The following DTWD2 variants were observed in gnomAD, a reference collection of about 807,000 sequenced individuals.
DTWD2 encodes the protein tRNA-uridine aminocarboxypropyltransferase 2.
In DTWD2, 39 loss-of-function variants were observed where a neutral mutation model predicts 31.8. The ratio of observed to expected loss-of-function variants is 1.22; its 90% CI spans 0.95 to 1.60. DTWD2 has a LOEUF of 1.60. DTWD2 is among the 40% of genes most tolerant of loss of function. The probability of loss-of-function intolerance (pLI) is 0.00; values close to 1 mark genes in which losing one functional copy is unlikely to be tolerated. For missense variants in DTWD2, 515 were observed against 381.5 expected, an observed-to-expected ratio of 1.35 and a Z score of -2.92; for synonymous variants, 180 against 142.8, an observed-to-expected ratio of 1.26 and a Z score of -1.86.
intron 4 of DTWD2, among the ~76,000 whole-genome samples, chr5:118,897,842 C>A (rs1380611661): frequency 6.6e-6 from 1 of 152,148 alleles, no homozygotes; most frequent in East Asian, 1.9e-4. Context: ...CATATGACCT[C>A]CAGAGTAAAA....
At chr5:118,854,117 A>T (rs893193648) in intron 4 of DTWD2, among the ~76,000 whole-genome samples, 1 of 152,220 alleles carries the variant, frequency 6.6e-6, no homozygotes, top group Non-Finnish European at 1.5e-5. Flanking sequence ...ACAGCATACA[A>T]ATATTATAAA....
intron 4 of DTWD2, among the ~76,000 whole-genome samples, chr5:118,910,712 G>T (rs775447402): frequency 2.6e-5 from 4 of 152,116 alleles, no homozygotes; most frequent in Non-Finnish European, 5.9e-5. Flanking sequence ...TTTCATCTCA[G>T]TCCATTCAAG....
intron 4 of DTWD2, among the ~76,000 whole-genome samples, chr5:118,857,263 G>GT (rs1173052188): frequency 6.6e-6 from 1 of 152,064 alleles, no homozygotes; most frequent in Non-Finnish European, 1.5e-5. Flanking sequence ...AGCTTTTGTG[G>GT]TTTTTTAAAT....
At chr5:118,912,293 A>G (rs1169218459) in intron 4 of DTWD2, among the ~76,000 whole-genome samples, 1 of 152,204 alleles carries the variant, frequency 6.6e-6, no homozygotes, top group Non-Finnish European at 1.5e-5. Flanking sequence ...TTTCCACCCA[A>G]AGCAAGATCA....
chr5:118,859,924 C>T (rs560735596), intron 4 of DTWD2, among the ~76,000 whole-genome samples: 17 of 151,958 alleles, frequency 1.1e-4, no homozygotes, highest in Non-Finnish European at 2.5e-4. Context: ...TCAAAACCAG[C>T]CTAGGCAACA....
chr5:118,952,210 G>A (rs984183633), intron 1 of DTWD2, among the ~76,000 whole-genome samples: 97 of 152,342 alleles, frequency 6.4e-4, no homozygotes, highest in African/African-American at 2.2e-3. Flanking sequence ...GCAAAGAGCA[G>A]GAGGACAGGG....
At chr5:118,850,073 G>A (rs1057467924) in intron 4 of DTWD2, among the ~76,000 whole-genome samples, 3 of 151,424 alleles carry the variant, frequency 2.0e-5, no homozygotes, top group South Asian at 2.1e-4. Context: ...TAAAAAATGG[G>A]GAAAGAACTC....
chr5:118,987,085 T>G (rs1435853470), intron 1 of DTWD2, among the ~76,000 whole-genome samples: 3 of 152,182 alleles, frequency 2.0e-5, no homozygotes, highest in African/African-American at 7.2e-5. Context: ...TAAATAAAAC[T>G]AGCACAGTAA....
chr5:118,949,087 C>A (rs1002801148), intron 1 of DTWD2, among the ~76,000 whole-genome samples: 1 of 151,530 alleles, frequency 6.6e-6, no homozygotes, highest in Non-Finnish European at 1.5e-5. Context: ...ACGCGATATT[C>A]TTTTGAGAAC....
At chr5:118,924,195 A>G (rs966827854) in intron 4 of DTWD2, among the ~76,000 whole-genome samples, 3 of 152,234 alleles carry the variant, frequency 2.0e-5, no homozygotes, top group Non-Finnish European at 4.4e-5. Context: ...TTAGCTACTA[A>G]GCATGTCATA....
intron 4 of DTWD2, among the ~76,000 whole-genome samples, chr5:118,882,242 T>A (rs1327546044): frequency 6.6e-6 from 1 of 152,186 alleles, no homozygotes; most frequent in African/African-American, 2.4e-5. Context: ...ATCCTTTGAC[T>A]CCAGGTCTCA....
intron 4 of DTWD2, among the ~76,000 whole-genome samples, chr5:118,866,594 G>C (rs1752385146): frequency 6.6e-6 from 1 of 152,168 alleles, no homozygotes; most frequent in South Asian, 2.1e-4. Flanking sequence ...AGAATTTTAT[G>C]TTTTAAAAAT....
Position 118,940,136 on chromosome 5 carries a change from C to T in DTWD2, c.310-846G>A, listed in dbSNP as rs945520578. Among the ~76,000 whole-genome samples the T allele has an allele frequency of 2.6e-5, 4 of 152,144 alleles. No individual in the cohort carries two copies. The East Asian group carries it at 7.7e-4, about 29-fold the overall frequency. ...GAGTGGAGAAATCTGGTGGCCATTT[C>T]TGAAAAAGCCATTAAGTTGACTGTC... On this transcript the variant is annotated intron_variant, in intron 2 of 5. Coordinates refer to ENST00000510708, the MANE Select transcript of DTWD2 (RefSeq NM_173666.4).
At chr5:118,851,928 C>T (rs1752018138) in intron 4 of DTWD2, among the ~76,000 whole-genome samples, 1 of 152,078 alleles carries the variant, frequency 6.6e-6, no homozygotes, top group Admixed American at 6.6e-5. Flanking sequence ...TTTTCCCAAT[C>T]CTAGTAAGCC....
intron 4 of DTWD2, among the ~76,000 whole-genome samples, chr5:118,872,459 T>C (rs1752526845): frequency 1.3e-5 from 2 of 152,214 alleles, no homozygotes; most frequent in Admixed American, 1.3e-4. Flanking sequence ...CTTGAACGCT[T>C]AGAGGCCATT....
At chr5:118,867,753 G>A (rs1369144776) in intron 4 of DTWD2, among the ~76,000 whole-genome samples, 1 of 152,114 alleles carries the variant, frequency 6.6e-6, no homozygotes, top group Non-Finnish European at 1.5e-5. Context: ...AAACCACACT[G>A]CTGAAAGAAA....
chr5:118,927,025 TG>T (rs1275893404), intron 4 of DTWD2, among the ~76,000 whole-genome samples: 3 of 152,098 alleles, frequency 2.0e-5, no homozygotes, highest in African/African-American at 4.8e-5. Context: ...GGCTTGCAAA[TG>T]GAAGTCTTCT....
Position 118,973,916 on chromosome 5 carries a change from G to A in DTWD2, c.218+14378C>T, listed in dbSNP as rs574285290. 3.0e-4 allele frequency: 489 copies of A among 1,603,604 alleles called. 2 individuals are homozygous for A. Among genetic ancestry groups the A allele is most frequent in the Non-Finnish European group, 3.3e-4 (392 of 1,172,184 alleles). ...CGCCCCTGCTAACGGGAATGCTAAT[G>A]AGGAAAATGGGGAGCAGGAGGCTGA... On this transcript the variant is annotated intron_variant, in intron 1 of 5. Transcript: ENST00000510708.
intron 4 of DTWD2, among the ~76,000 whole-genome samples, chr5:118,923,515 A>C (rs1188847210): frequency 6.6e-6 from 1 of 152,206 alleles, no homozygotes; most frequent in Non-Finnish European, 1.5e-5. Flanking sequence ...TCCAAGGGTA[A>C]GGGAGGCACT....
Sources: gnomAD v4.1 joint callset for allele counts (sites outside exome capture counted in the v4.1 genomes callset) on GRCh38, gnomAD v4.1.1 for gene constraint, MANE v1.5 for transcripts, NCBI Gene and HGNC (gene_info 2026-07-23, HGNC 2026-07-21) for gene names.